The following LGALS3 variants were observed in gnomAD, a reference collection of about 807,000 sequenced individuals.
LGALS3 encodes galectin 3, also known as galectin-3.
A neutral mutation model predicts 20.7 loss-of-function variants in LGALS3; 18 were observed. The ratio of observed to expected loss-of-function variants is 0.87; its 90% CI spans 0.60 to 1.29. The LOEUF is 1.29. LGALS3 is among the 50% of genes most tolerant of loss of function. LGALS3 has a pLI of 0.00. For missense variants in LGALS3, 315 were observed against 314.7 expected, an observed-to-expected ratio of 1.00 and a Z score of -0.01; for synonymous variants, 112 against 119.6, an observed-to-expected ratio of 0.94 and a Z score of 0.42.
chr14:55,137,553 C>T lies in LGALS3; in HGVS notation c.18+162C>T, dbSNP rs941118509. ...CTTGCAAGCTGGAGCCTTGTTTTTC[C>T]AGCAGCAGATTTGGGAAGAAAGCCA... On this transcript the variant is annotated intron_variant, in intron 2 of 5. Transcript: ENST00000254301. 42 of 1,550,926 alleles carry T rather than the reference C, an allele frequency of 2.7e-5. No homozygotes were observed. The African/African-American group carries it at 4.5e-4, about 17-fold the overall frequency.
chr14:55,141,863 T>TC (rs1674365380), intron 4 of LGALS3, among the ~76,000 whole-genome samples: 1 of 152,224 alleles, frequency 6.6e-6, no homozygotes. Flanking sequence ...TACTGATGAC[T>TC]CTGGTGTTAC....
intron 4 of LGALS3, among the ~76,000 whole-genome samples, 193 bp from the exon 5 acceptor site, chr14:55,142,391 G>A (rs1566783276): frequency 6.6e-6 from 1 of 152,182 alleles, no homozygotes; most frequent in Non-Finnish European, 1.5e-5. Flanking sequence ...TAGATTTTGT[G>A]ATAGTACATA....
chr14:55,145,370 T>A lies in LGALS3; in HGVS notation c.*99T>A. ...GTGAAAATTTTTACATTCATCAATA[T>A]CCCTCTTGTAAGTCATCTACTTAAT... On this transcript the variant is annotated 3_prime_UTR_variant, in exon 6 of 6. Transcript: ENST00000254301. 6.4e-7 allele frequency: 1 copy of A among 1,565,116 alleles called. No homozygotes were observed. Among genetic ancestry groups the A allele is most frequent in the Non-Finnish European group, 8.7e-7 (1 of 1,155,114 alleles).
chr14:55,142,481 C>G, intron 4 of LGALS3, 103 bp from the exon 5 acceptor site: 1 of 881,822 alleles, frequency 1.1e-6, no homozygotes, highest in Non-Finnish European at 1.7e-6. Flanking sequence ...TTCCTAGGTA[C>G]TGTATTATGA....
At chr14:55,142,110 G>A (rs978387591) in intron 4 of LGALS3, among the ~76,000 whole-genome samples, 1 of 152,164 alleles carries the variant, frequency 6.6e-6, no homozygotes, top group African/African-American at 2.4e-5. Flanking sequence ...AGGAACTAGG[G>A]CTTCTGGTTA....
At chr14:55,139,995 TA>T (rs1165323288) in intron 3 of LGALS3, among the ~76,000 whole-genome samples, 1 of 152,228 alleles carries the variant, frequency 6.6e-6, no homozygotes, top group Non-Finnish European at 1.5e-5. Context: ...TCACAAGATC[TA>T]GCTTAAGCCT....
chr14:55,139,492 G>A (rs1881542061), intron 3 of LGALS3, among the ~76,000 whole-genome samples: 1 of 152,172 alleles, frequency 6.6e-6, no homozygotes, highest in African/African-American at 2.4e-5. Flanking sequence ...TGGGTGTGGT[G>A]GCTCATGCCT....
chr14:55,130,329 G>A (rs1290863846), intron 1 of LGALS3, among the ~76,000 whole-genome samples: 1 of 152,194 alleles, frequency 6.6e-6, no homozygotes, highest in Non-Finnish European at 1.5e-5. Context: ...TTCGCCATGC[G>A]GGTTCCAGAG....
At chr14:55,138,611 G>C (rs569275753) in intron 3 of LGALS3, among the ~76,000 whole-genome samples, 7 of 44,114 alleles carry the variant, frequency 1.6e-4, no homozygotes, top group Non-Finnish European at 2.6e-4. Context: ...TGTAGTAATG[G>C]AGAACATTTT....
chr14:55,131,817 C>T (rs1881240623), intron 1 of LGALS3, among the ~76,000 whole-genome samples: 1 of 152,190 alleles, frequency 6.6e-6, no homozygotes, highest in African/African-American at 2.4e-5. Context: ...TGCCAGGGAG[C>T]TATGATGAGA....
intron 4 of LGALS3, among the ~76,000 whole-genome samples, chr14:55,141,281 A>T (rs1413354448): frequency 6.6e-6 from 1 of 152,192 alleles, no homozygotes; most frequent in African/African-American, 2.4e-5. Flanking sequence ...CAATTTCTGT[A>T]AGCACAGAAC....
intron 1 of LGALS3, among the ~76,000 whole-genome samples, chr14:55,136,843 C>A (rs553000730): frequency 2.9e-5 from 4 of 137,984 alleles, no homozygotes; most frequent in South Asian, 2.8e-4. Flanking sequence ...TGGTAACCAT[C>A]CTTCTATTCT....
At chr14:55,133,196 T>G (rs117502961) in intron 1 of LGALS3, among the ~76,000 whole-genome samples, 21,360 of 152,116 alleles carry the variant, frequency 0.14, 1,732 homozygotes, top group Non-Finnish European at 0.17. Flanking sequence ...AGTGTGATGT[T>G]TTCTATTGGT....
At chr14:55,142,021 C>T (rs947439173) in intron 4 of LGALS3, among the ~76,000 whole-genome samples, 3 of 152,140 alleles carry the variant, frequency 2.0e-5, no homozygotes, top group South Asian at 2.1e-4. Flanking sequence ...GAATGTTTAC[C>T]ACATTTACTA....
Position 55,145,125 on chromosome 14 carries a change from C to T in LGALS3, c.607C>T (p.Leu203=). 1 of 1,613,040 alleles carries T rather than the reference C, an allele frequency of 6.2e-7. No individual in the cohort carries two copies. Among genetic ancestry groups the T allele is most frequent in the Non-Finnish European group, 8.5e-7 (1 of 1,179,402 alleles). Residue 203 remains leucine (L), a synonymous_variant, in exon 6 of 6, where the codon CTG becomes TTG. Transcript: ENST00000254301. ...ESGKPFKIQV[L]VEPDHFKVAV... ...GTATATGCCATTTCAGATACAAGTACTGGTTGAACCTGACCACTTCAAGGT... is the reference window on the plus strand; with the variant it reads ...GTATATGCCATTTCAGATACAAGTATTGGTTGAACCTGACCACTTCAAGGT...
intron 4 of LGALS3, among the ~76,000 whole-genome samples, chr14:55,141,206 G>C (rs1266012863): frequency 2.0e-5 from 3 of 152,146 alleles, no homozygotes; most frequent in African/African-American, 7.2e-5. Flanking sequence ...ACCTCAGCCA[G>C]CCTCCTCTGC....
chr14:55,138,468 G>A (rs1276097691), intron 3 of LGALS3, 100 bp downstream of exon 3: 1 of 1,256,030 alleles, frequency 8.0e-7, no homozygotes, highest in Non-Finnish European at 1.2e-6. Flanking sequence ...TCAAGGGCCA[G>A]CCATGGGTGT....
At chr14:55,142,926 G>A (rs369371845) in intron 5 of LGALS3, among the ~76,000 whole-genome samples, 177 bp downstream of exon 5, 1 of 152,122 alleles carries the variant, frequency 6.6e-6, no homozygotes, top group African/African-American at 2.4e-5. Flanking sequence ...GCCAGGAGTG[G>A]CACACTCCCC....
chr14:55,134,064 A>C (rs1459390965), intron 1 of LGALS3, among the ~76,000 whole-genome samples: 1 of 152,118 alleles, frequency 6.6e-6, no homozygotes, highest in Non-Finnish European at 1.5e-5. Flanking sequence ...ATGTCTGAAG[A>C]CATTTTGTTT....
Sources: allele counts gnomAD v4.1 joint callset (sites outside exome capture counted in the v4.1 genomes callset), GRCh38; gene constraint gnomAD v4.1.1; transcripts MANE v1.5; gene names NCBI Gene and HGNC (gene_info 2026-07-23, HGNC 2026-07-21).